SLC46A2: variants seen among roughly 807,000 people sequenced by gnomAD.
SLC46A2 encodes the protein thymic stromal co-transporter.
In SLC46A2, 25 loss-of-function variants were observed where a neutral mutation model predicts 33.1. That is an observed-to-expected ratio of 0.76 (90% CI 0.55 to 1.06). The LOEUF (loss-of-function observed/expected upper bound fraction) is 1.06, where lower values mean the gene tolerates loss of function less well. SLC46A2 is among the 50% of genes least tolerant of loss of function. The pLI is 0.00. For synonymous variants in SLC46A2, 254 were observed against 275.9 expected (o/e 0.92, Z 0.79); for missense variants, 622 against 621.7 (o/e 1.00, Z 0.00).
At chr9:112,885,416 C>CTG (rs1309001950) in intron 3 of SLC46A2, 5 of 123,582 alleles carry the variant, frequency 4.0e-5, no homozygotes, top group African/African-American at 1.3e-4. Context: ...TACATGTATT[C>CTG]TGTGTGTGTA....
intron 1 of SLC46A2, among the ~76,000 whole-genome samples, chr9:112,888,914 A>G (rs1333352084): frequency 6.8e-6 from 1 of 148,042 alleles, no homozygotes; most frequent in Non-Finnish European, 1.5e-5. Context: ...TTTTTGAGAC[A>G]GAGTCTTGCT....
Position 112,879,579 on chromosome 9 carries a change from A to G in SLC46A2, c.*183T>C. ...TGAGAACGTTTTTCCATCACCAGGAAAGTGCTTTTCCCCATCCACCAGGGA... is the reference window on the plus strand; with the variant it reads ...TGAGAACGTTTTTCCATCACCAGGAGAGTGCTTTTCCCCATCCACCAGGGA... On this transcript the variant is annotated 3_prime_UTR_variant, in exon 4 of 4. Transcript: ENST00000374228. 2 of 557,386 alleles carry G rather than the reference A, an allele frequency of 3.6e-6. No homozygotes were observed. Among genetic ancestry groups the G allele is most frequent in the South Asian group, 2.5e-5 (1 of 40,534 alleles). The allele number at this position is 557,386 out of a possible 1,614,324, so 34.5% of individuals were successfully genotyped here.
intron 1 of SLC46A2, among the ~76,000 whole-genome samples, chr9:112,888,240 G>A (rs1368305036): frequency 2.0e-5 from 3 of 152,070 alleles, no homozygotes; most frequent in South Asian, 2.1e-4. Flanking sequence ...TCGTACCATC[G>A]CACTCCAGCC....
Position 112,890,029 on chromosome 9 carries a change from A to G in SLC46A2, c.653T>C (p.Phe218Ser), listed in dbSNP as rs772654430. ...CACCAAAAGGCTGTAGAGCAGGGCA[A>G]ACGAGGCACAGCTCACGCTGCAGGC... ...LTACSVSCAS[F>S]ALLYSLLVLK... The change falls in exon 1 of 4, where the codon TTT becomes TCT. Residue 218 changes from phenylalanine (F) to serine (S), a missense_variant. Phe to Ser is a radical substitution (Grantham distance 155). Coordinates refer to ENST00000374228, the MANE Select transcript of SLC46A2 (RefSeq NM_033051.4). This position sits in a 1 kb window ranked among gnomAD's most constrained non-coding sequence, Gnocchi z 6.0. 1.2e-6 allele frequency: 2 copies of G among 1,614,036 alleles called. No individual in the cohort carries two copies. The highest frequency in any genetic ancestry group is 2.2e-5 in the South Asian group (2 of 91,088).
In SLC46A2 at chr9:112,890,790, G is replaced by T; in HGVS notation, c.-109C>A. 1 of 799,062 alleles carries T rather than the reference G, an allele frequency of 1.3e-6. No individual in the cohort carries two copies. Among genetic ancestry groups the T allele is most frequent in the Non-Finnish European group, 1.7e-6 (1 of 580,330 alleles). 49.5% of individuals were successfully genotyped at this position (799,062 alleles called of 1,614,324 possible). A position where few individuals can be genotyped will look rare whatever the true frequency, so the allele number is the denominator to read the frequency against. Reference sequence around the variant, plus strand: ...GGTTTCAGTCCCGGAGCGCGAGTGTGCTCCGTGCGCCGGGAGCGCGAGTGT... The same window carrying T: ...GGTTTCAGTCCCGGAGCGCGAGTGTTCTCCGTGCGCCGGGAGCGCGAGTGT... On this transcript the variant is annotated 5_prime_UTR_variant, in exon 1 of 4. Transcript: ENST00000374228. The surrounding 1 kb of genome is among the most constrained non-coding windows in gnomAD (Gnocchi z 6.0).
chr9:112,890,623 G>T lies in SLC46A2; in HGVS notation c.59C>A (p.Thr20Asn). Residue 20 changes from threonine (T) to asparagine (N), a missense_variant, in exon 1 of 4, where the codon ACC becomes AAC. Coordinates refer to ENST00000374228, the MANE Select transcript of SLC46A2 (RefSeq NM_033051.4). This position sits in a 1 kb window ranked among gnomAD's most constrained non-coding sequence, Gnocchi z 6.0. ...CGAGGCCACCACGGGCTCAACCCAG[G>T]TCCTCGGGTGGAAGCGAGGCAGGTG... ...RGHLPRFHPR[T>N]WVEPVVASSQ... is the part of the protein sequence containing the mutation. 1 of 1,605,014 alleles carries T rather than the reference G, an allele frequency of 6.2e-7. No homozygotes were observed. The highest frequency in any genetic ancestry group is 8.5e-7 in the Non-Finnish European group (1 of 1,179,892).
At position 112,890,133 on chromosome 9, in the gene SLC46A2, C is replaced by T. The variant is rs374755783; in HGVS notation, c.549G>A (p.Ala183=). Residue 183 remains alanine, a synonymous_variant, in exon 1 of 4, where the codon GCG becomes GCA. Transcript: ENST00000374228. This position sits in a 1 kb window ranked among gnomAD's most constrained non-coding sequence, Gnocchi z 6.0. ...CGGAAGCCATGCTCCCGCAGAACCC[C>T]GCCAAGCCCAGCATCAGGTCAATGA... The part of the protein sequence containing the change: ...LILIDLMLGL[A]GFCGSMASGH... 8 of 1,613,304 alleles carry T rather than the reference C, an allele frequency of 5.0e-6. No homozygotes were observed. Among genetic ancestry groups the T allele is most frequent in the Non-Finnish European group, 5.9e-6 (7 of 1,179,906 alleles).
At chr9:112,886,708 T>G in intron 2 of SLC46A2, 92 bp from the exon 3 acceptor site, 3 of 1,330,816 alleles carry the variant, frequency 2.3e-6, no homozygotes, top group Non-Finnish European at 2.1e-6. Context: ...TAGGGGACCC[T>G]TCCTTCTTAC....
chr9:112,882,851 T>C (rs369180494), intron 3 of SLC46A2, among the ~76,000 whole-genome samples: 19 of 152,174 alleles, frequency 1.2e-4, no homozygotes, highest in South Asian at 2.1e-4. Context: ...GTACTTTAGG[T>C]TGCTTAGAAA....
At chr9:112,888,551 T>C (rs1375089748) in intron 1 of SLC46A2, among the ~76,000 whole-genome samples, 5 of 152,244 alleles carry the variant, frequency 3.3e-5, no homozygotes, top group Non-Finnish European at 7.3e-5. Flanking sequence ...AAATCTGTTC[T>C]TTAGTTGCGC....
Position 112,890,682 on chromosome 9 carries a change from G to A in SLC46A2, c.-1C>T. 6.3e-7 allele frequency: 1 copy of A among 1,594,458 alleles called. No homozygotes were observed. The highest frequency in any genetic ancestry group is 1.7e-5 in the Admixed American group (1 of 59,884). On this transcript the variant is annotated 5_prime_UTR_variant, in exon 1 of 4. Coordinates refer to ENST00000374228, the MANE Select transcript of SLC46A2 (RefSeq NM_033051.4). This position sits in a 1 kb window ranked among gnomAD's most constrained non-coding sequence, Gnocchi z 6.0. ...GCGGGCAGGTGACCTCGGGGCTCAT[G>A]TGACCTCTCTGATGGGGATCGAAGG...
rs760636138 is a variant in SLC46A2 at position 112,889,953 on chromosome 9, C to T, written c.729G>A (p.Val243=). 5 of 1,614,162 alleles carry T rather than the reference C, an allele frequency of 3.1e-6. No homozygotes were observed. The Admixed American group carries it at 6.7e-5, about 22-fold the overall frequency. The stretch of plus-strand genomic sequence containing the variant: ...TGCCAACCGTGCCAGACACGGTATC[C>T]ACGGCGGGGAGCTCCTGGCTGGGTT... ...VAKPSQELPA[V]DTVSGTVGTY... The change falls in exon 1 of 4, where the codon GTG becomes GTA. Residue 243 remains valine (V), a synonymous_variant. Coordinates refer to ENST00000374228, the MANE Select transcript of SLC46A2 (RefSeq NM_033051.4).
chr9:112,883,495 C>A (rs1841607644), intron 3 of SLC46A2, among the ~76,000 whole-genome samples: 1 of 151,564 alleles, frequency 6.6e-6, no homozygotes, highest in African/African-American at 2.4e-5. Flanking sequence ...ATAGTAATTA[C>A]CATAAAGGAT....
intron 3 of SLC46A2, among the ~76,000 whole-genome samples, chr9:112,886,085 A>G (rs1263913244): frequency 6.6e-6 from 1 of 152,226 alleles, no homozygotes; most frequent in Non-Finnish European, 1.5e-5. Context: ...GTGCTCTGAA[A>G]TGAGGCCTGA....
At chr9:112,880,330 C>CAAAAACAA (rs1841561473) in intron 3 of SLC46A2, 2 of 91,110 alleles carry the variant, frequency 2.2e-5, no homozygotes, top group South Asian at 9.9e-4. Context: ...GATTCTGTCT[C>CAAAAACAA]AAAAAAAAAA....
rs1258359535 is a variant in SLC46A2, at chr9:112,879,976, C to T, written c.1371-157G>A. ...GTGCTGGTGCACTGTGACCCATCTCCCTGCAGCTGCTAGCTAAAAGGAGCA... is the reference window on the plus strand; with the variant it reads ...GTGCTGGTGCACTGTGACCCATCTCTCTGCAGCTGCTAGCTAAAAGGAGCA... On this transcript the variant is annotated intron_variant, in intron 3 of 3. Transcript: ENST00000374228. 1.8e-5 allele frequency: 10 copies of T among 568,768 alleles called. No individual in the cohort carries two copies. In the East Asian group the frequency reaches 2.8e-4, roughly 16 times the overall value. 35.2% of individuals were successfully genotyped at this position (568,768 alleles called of 1,614,324 possible).
At chr9:112,880,583 C>G (rs1841564332) in intron 3 of SLC46A2, 1 of 153,352 alleles carries the variant, frequency 6.5e-6, no homozygotes, top group Non-Finnish European at 1.5e-5. Flanking sequence ...AAGCCCATCC[C>G]CAACCTCCCT....
In SLC46A2 at chr9:112,889,837, G is replaced by C; in HGVS notation, c.845C>G (p.Thr282Ser). ...SPGKAKPHKT[T>S]IALLFVGAII... ...AGCACCCACAAAGAGCAAGGCAATGGTGGTTTTATGGGGTTTTGCTTTTCC... is the reference window on the plus strand; with the variant it reads ...AGCACCCACAAAGAGCAAGGCAATGCTGGTTTTATGGGGTTTTGCTTTTCC... Residue 282 changes from threonine to serine, a missense_variant, in exon 1 of 4, where the codon ACC (threonine) becomes AGC (serine). Transcript: ENST00000374228. 1 of 1,614,232 alleles carries C rather than the reference G, an allele frequency of 6.2e-7. No individual in the cohort carries two copies. The highest frequency in any genetic ancestry group is 1.1e-5 in the South Asian group (1 of 91,080).
intron 2 of SLC46A2, 101 bp from the exon 3 acceptor site, chr9:112,886,717 A>ACTCTCT: frequency 1.8e-6 from 2 of 1,128,070 alleles, no homozygotes; most frequent in Non-Finnish European, 2.5e-6. Context: ...CTTCCTTCTT[A>ACTCTCT]CTCTCTCTCT....
Sources: allele counts gnomAD v4.1 joint callset (sites outside exome capture counted in the v4.1 genomes callset), GRCh38; gene constraint gnomAD v4.1.1; non-coding constraint Gnocchi (gnomAD v3.1); transcripts MANE v1.5; gene names NCBI Gene and HGNC (gene_info 2026-07-23, HGNC 2026-07-21).